Variants in DYRK1A observed in about 807,000 individuals in gnomAD.
DYRK1A encodes dual specificity tyrosine-phosphorylation-regulated kinase 1A.
DYRK1A carries 9 observed loss-of-function variants against 79.7 expected under a neutral mutation model. That is an observed-to-expected ratio of 0.11 (90% CI 0.07 to 0.20). The LOEUF (loss-of-function observed/expected upper bound fraction) is 0.20. DYRK1A is among the 10% of genes least tolerant of loss of function. The pLI is 1.00. For missense variants in DYRK1A, 622 were observed against 956.0 expected (o/e 0.65, Z 4.61); for synonymous variants, 349 against 329.7 (o/e 1.06, Z -0.63).
intron 1 of DYRK1A, among the ~76,000 whole-genome samples, chr21:37,384,029 C>T (rs1489357998): frequency 6.6e-6 from 1 of 152,142 alleles, no homozygotes; most frequent in Non-Finnish European, 1.5e-5. Flanking sequence ...ACTGTGATCC[C>T]TGACAGATGG....
At position 37,516,776 on chromosome 21, in the gene DYRK1A, A is replaced by T. The variant is rs1167222150; in HGVS notation, c.*4245A>T. On this transcript the variant is annotated 3_prime_UTR_variant, in exon 12 of 12. Transcript: ENST00000647188. The stretch of plus-strand genomic sequence containing the variant: ...GTGGGTGTTCTTGCATCAGAACTTT[A>T]AAAAAAATAACACTACCTTAACACT... 6.6e-6 allele frequency: 1 copy of T among 151,888 alleles called. No homozygotes were observed. Among genetic ancestry groups the T allele is most frequent in the African/African-American group, 2.4e-5 (1 of 41,384 alleles). The allele number at this position is 151,888 out of a possible 1,614,324, so 9.4% of individuals were successfully genotyped here.
At chr21:37,426,933 AAAG>A (rs796552605) in intron 2 of DYRK1A, among the ~76,000 whole-genome samples, 2,546 of 150,686 alleles carry the variant, frequency 0.017, 111 homozygotes, top group African/African-American at 0.058. Context: ...AAAAAAAAAA[AAAG>A]AGATGAATAA....
At chr21:37,426,632 C>T (rs894752051) in intron 2 of DYRK1A, among the ~76,000 whole-genome samples, 6 of 151,616 alleles carry the variant, frequency 4.0e-5, no homozygotes, top group African/African-American at 9.7e-5. Context: ...AATAACCAGC[C>T]GGGTGTGGTG....
intron 8 of DYRK1A, among the ~76,000 whole-genome samples, chr21:37,493,626 C>T (rs2053166862): frequency 6.6e-6 from 1 of 152,140 alleles, no homozygotes; most frequent in Admixed American, 6.5e-5. Context: ...GTGTGCAGTT[C>T]TGAAGTCTAC....
intron 2 of DYRK1A, among the ~76,000 whole-genome samples, chr21:37,436,093 G>A (rs2050917562): frequency 6.6e-6 from 1 of 152,138 alleles, no homozygotes; most frequent in Non-Finnish European, 1.5e-5. Flanking sequence ...AGTGCTGTAA[G>A]GATTTATCTG....
intron 1 of DYRK1A, among the ~76,000 whole-genome samples, chr21:37,373,998 A>G (rs570356817): frequency 2.6e-5 from 4 of 152,340 alleles, no homozygotes; most frequent in Admixed American, 6.5e-5. Flanking sequence ...ATTCAAATAG[A>G]CCGTTATGCA....
chr21:37,449,140 T>C (rs181831059), intron 2 of DYRK1A, among the ~76,000 whole-genome samples: 1 of 152,334 alleles, frequency 6.6e-6, no homozygotes, highest in Admixed American at 6.5e-5. Context: ...TTGTTTGTAT[T>C]AGTTCAAGTC....
chr21:37,420,809 G>A (rs2050455197), intron 2 of DYRK1A, among the ~76,000 whole-genome samples: 2 of 152,036 alleles, frequency 1.3e-5, no homozygotes, highest in South Asian at 2.1e-4. Context: ...CCATACATAC[G>A]GTTTCTTAAA....
intron 4 of DYRK1A, 127 bp downstream of exon 4, chr21:37,478,427 C>T: frequency 1.5e-6 from 1 of 660,944 alleles, no homozygotes. Context: ...ATTATGAAGA[C>T]TAATGATTTA....
Position 37,506,119 on chromosome 21 carries a change from AAC to A in DYRK1A, c.1542_1543del (p.Asn514LysfsTer49). 1 of 1,612,504 alleles carries A rather than the reference AAC, an allele frequency of 6.2e-7. No homozygotes were observed. The highest frequency in any genetic ancestry group is 8.5e-7 in the Non-Finnish European group (1 of 1,178,644). On this transcript the variant is annotated frameshift_variant, in exon 11 of 12. Transcript: ENST00000647188. LOFTEE classifies it high-confidence loss of function. ...TTCAGGTGGCTCATCGGGGACAAGC[AAC>A]AGTGGGAGAGCCCGGTCGGATCCGA... ...SSSGGSSGTSNSGRARSDPTH... is the reference protein window; with the variant it reads ...SSSGGSSGTSXSGRARSDPTH...
intron 2 of DYRK1A, among the ~76,000 whole-genome samples, chr21:37,445,740 C>G (rs180848196): frequency 6.6e-6 from 1 of 152,250 alleles, no homozygotes; most frequent in Admixed American, 6.5e-5. Flanking sequence ...AACAGTTTTT[C>G]CATATCAAAG....
At chr21:37,413,954 A>G (rs2050288899) in intron 1 of DYRK1A, among the ~76,000 whole-genome samples, 1 of 152,178 alleles carries the variant, frequency 6.6e-6, no homozygotes, top group Non-Finnish European at 1.5e-5. Flanking sequence ...AAAATTAGAA[A>G]CAAGCCACAT....
intron 9 of DYRK1A, 111 bp from the exon 10 acceptor site, chr21:37,505,172 T>C: frequency 1.2e-6 from 1 of 860,114 alleles, no homozygotes. Flanking sequence ...TGAAGTGTCC[T>C]TTTTAATAAA....
At chr21:37,407,845 C>A (rs1172164291) in intron 1 of DYRK1A, among the ~76,000 whole-genome samples, 1 of 152,130 alleles carries the variant, frequency 6.6e-6, no homozygotes, top group East Asian at 1.9e-4. Context: ...GCTGATCAGA[C>A]TGGTGGTGGA....
At chr21:37,511,421 G>A (rs1266719089) in intron 11 of DYRK1A, among the ~76,000 whole-genome samples, 2 of 152,122 alleles carry the variant, frequency 1.3e-5, no homozygotes, top group Non-Finnish European at 2.9e-5. Context: ...AAGAGAAGAG[G>A]CCAAATTTGG....
chr21:37,373,452 G>C (rs1460389355), intron 1 of DYRK1A, among the ~76,000 whole-genome samples: 2 of 152,118 alleles, frequency 1.3e-5, no homozygotes, highest in Non-Finnish European at 2.9e-5. Flanking sequence ...ATGTAGATGG[G>C]CCTGTTTCTG....
At chr21:37,438,197 T>G (rs904832235) in intron 2 of DYRK1A, among the ~76,000 whole-genome samples, 2 of 152,192 alleles carry the variant, frequency 1.3e-5, no homozygotes, top group African/African-American at 4.8e-5. Context: ...TTAGAGTTTC[T>G]TATACATTTG....
intron 1 of DYRK1A, among the ~76,000 whole-genome samples, chr21:37,397,573 C>T (rs893753357): frequency 1.3e-5 from 2 of 152,154 alleles, no homozygotes; most frequent in African/African-American, 4.8e-5. Context: ...TAGTTCTCTT[C>T]AGTAAACTAG....
Position 37,493,178 on chromosome 21 carries a change from G to C in DYRK1A, c.1071+15G>C. 1 of 1,569,168 alleles carries C rather than the reference G, an allele frequency of 6.4e-7. No homozygotes were observed. The highest frequency in any genetic ancestry group is 8.7e-7 in the Non-Finnish European group (1 of 1,148,486). On this transcript the variant is annotated intron_variant, in intron 8 of 11. Transcript: ENST00000647188. Reference sequence around the variant, plus strand: ...GTGCCAATGAGGTAAATGATGTATTGCTTTACAAATTCTGTTTTCATAATT... The same window carrying C: ...GTGCCAATGAGGTAAATGATGTATTCCTTTACAAATTCTGTTTTCATAATT...
Sources: allele counts gnomAD v4.1 joint callset (sites outside exome capture counted in the v4.1 genomes callset), GRCh38; gene constraint gnomAD v4.1.1; transcripts MANE v1.5; gene names NCBI Gene and HGNC (gene_info 2026-07-23, HGNC 2026-07-21).